The following GRM3 variants were observed in gnomAD, a reference collection of about 807,000 sequenced individuals.
GRM3 encodes the protein metabotropic glutamate receptor 3.
A neutral mutation model predicts 70.5 loss-of-function variants in GRM3; 26 were observed. That is an observed-to-expected ratio of 0.37 (90% confidence interval 0.27 to 0.51). GRM3 has a LOEUF of 0.51. GRM3 is among the 20% of genes least tolerant of loss of function. The pLI is 0.93. For missense variants in GRM3, 859 were observed against 1,123.8 expected (o/e 0.76, Z 3.37); for synonymous variants, 443 against 434.9 (o/e 1.02, Z -0.23).
intron 1 of GRM3, among the ~76,000 whole-genome samples, chr7:86,762,125 T>C (rs1350907606): frequency 6.6e-6 from 1 of 152,154 alleles, no homozygotes; most frequent in Non-Finnish European, 1.5e-5. Context: ...GTCTTTTGCC[T>C]TCCATGGCAG....
At chr7:86,704,179 A>T (rs990156097) in intron 1 of GRM3, among the ~76,000 whole-genome samples, 1 of 151,974 alleles carries the variant, frequency 6.6e-6, no homozygotes, top group South Asian at 2.1e-4. Flanking sequence ...AAAAAGTACT[A>T]GCGTTTTTCT....
At chr7:86,763,108 C>G (rs1796519855) in intron 1 of GRM3, among the ~76,000 whole-genome samples, 1 of 152,152 alleles carries the variant, frequency 6.6e-6, no homozygotes, top group South Asian at 2.1e-4. Flanking sequence ...AATGAGACAT[C>G]ATTCAAATTG....
At chr7:86,861,713 G>A (rs28755802) in intron 5 of GRM3, among the ~76,000 whole-genome samples, 18,074 of 152,198 alleles carry the variant, frequency 0.12, 1,337 homozygotes, top group African/African-American at 0.22. Flanking sequence ...AAATTGGAAT[G>A]AGGTGAACAC....
At chr7:86,718,704 G>A (rs1442054489) in intron 1 of GRM3, among the ~76,000 whole-genome samples, 1 of 152,046 alleles carries the variant, frequency 6.6e-6, no homozygotes, top group Admixed American at 6.6e-5. Context: ...GAACACCCGG[G>A]TGACAGTAGC....
chr7:86,668,681 T>C (rs910707837), intron 1 of GRM3, among the ~76,000 whole-genome samples: 3 of 151,960 alleles, frequency 2.0e-5, no homozygotes, highest in Non-Finnish European at 4.4e-5. Context: ...ATTCCGAAAA[T>C]AGAATTGTGG....
chr7:86,774,543 G>A (rs559680730), intron 2 of GRM3, among the ~76,000 whole-genome samples: 9 of 152,102 alleles, frequency 5.9e-5, no homozygotes, highest in South Asian at 4.2e-4. Flanking sequence ...CCAATAAAGC[G>A]AACTGCAATA....
chr7:86,696,123 A>G (rs1484220179), intron 1 of GRM3, among the ~76,000 whole-genome samples: 5 of 152,142 alleles, frequency 3.3e-5, no homozygotes, highest in African/African-American at 1.2e-4. Flanking sequence ...CTTTGCACCA[A>G]AGTGCTCAGT....
chr7:86,693,239 G>A (rs1415628140), intron 1 of GRM3, among the ~76,000 whole-genome samples: 2 of 152,158 alleles, frequency 1.3e-5, no homozygotes, highest in East Asian at 1.9e-4. Context: ...AGTAGTATAA[G>A]ACTTACTTTT....
At chr7:86,652,530 C>T (rs547931923) in intron 1 of GRM3, among the ~76,000 whole-genome samples, 24 of 152,168 alleles carry the variant, frequency 1.6e-4, no homozygotes, top group African/African-American at 5.8e-4. Flanking sequence ...GGGGTTTCAC[C>T]GTGTTTGCTA....
In GRM3 at chr7:86,764,998, C is replaced by A; in HGVS notation, c.-140-8C>A. On this transcript the variant is annotated splice_region_variant and splice_polypyrimidine_tract_variant and intron_variant, in intron 1 of 5. Transcript: ENST00000361669. ...CCATTTTTGTTCATATAATTTTTAT[C>A]TCTTTAGGAATTTTGTGACAGGCTC... 1 of 1,452,434 alleles carries A rather than the reference C, an allele frequency of 6.9e-7. No individual in the cohort carries two copies. The highest frequency in any genetic ancestry group is 9.0e-7 in the Non-Finnish European group (1 of 1,108,750). 90.0% of individuals were successfully genotyped at this position (1,452,434 alleles called of 1,614,324 possible). A position where few individuals can be genotyped will look rare whatever the true frequency, so the allele number is the denominator to read the frequency against.
chr7:86,854,869 T>C (rs1798818078), intron 5 of GRM3, among the ~76,000 whole-genome samples: 1 of 152,174 alleles, frequency 6.6e-6, no homozygotes, highest in African/African-American at 2.4e-5. Flanking sequence ...ACATTCTGAA[T>C]TTCCACCCTT....
At chr7:86,654,206 G>C (rs802430) in intron 1 of GRM3, among the ~76,000 whole-genome samples, 100,145 of 152,024 alleles carry the variant, frequency 0.66, 33,365 homozygotes, top group East Asian at 0.88. Context: ...GGCTCAGCCT[G>C]GGCCACCAGC....
chr7:86,750,992 T>C (rs1796216158), intron 1 of GRM3, among the ~76,000 whole-genome samples: 1 of 152,058 alleles, frequency 6.6e-6, no homozygotes, highest in Non-Finnish European at 1.5e-5. Context: ...AGGAAAATAA[T>C]AGAAGTGGAT....
chr7:86,711,168 T>A (rs1562834183), intron 1 of GRM3, among the ~76,000 whole-genome samples: 2 of 151,592 alleles, frequency 1.3e-5, no homozygotes, highest in Non-Finnish European at 2.9e-5. Context: ...TCTAATTTAA[T>A]TTAATTTAAT....
At chr7:86,730,186 C>T (rs749087444) in intron 1 of GRM3, among the ~76,000 whole-genome samples, 16 of 151,700 alleles carry the variant, frequency 1.1e-4, no homozygotes, top group Middle Eastern at 3.5e-3. Context: ...ATTAGGAGGC[C>T]GAGGCAGGCA....
chr7:86,707,789 C>A (rs561980611), intron 1 of GRM3, among the ~76,000 whole-genome samples: 4 of 152,112 alleles, frequency 2.6e-5, no homozygotes, highest in Non-Finnish European at 5.9e-5. Flanking sequence ...TTTATCATCT[C>A]TCTTAATCAA....
intron 3 of GRM3, among the ~76,000 whole-genome samples, chr7:86,801,316 A>G (rs1244728890): frequency 4.6e-5 from 7 of 151,936 alleles, no homozygotes; most frequent in South Asian, 4.2e-4. Flanking sequence ...TGATCTGCCC[A>G]CCTCAGCCTC....
At chr7:86,672,566 G>C (rs1024793669) in intron 1 of GRM3, among the ~76,000 whole-genome samples, 16 of 152,006 alleles carry the variant, frequency 1.1e-4, no homozygotes, top group African/African-American at 3.6e-4. Context: ...CTCATCTCAA[G>C]TGGTTGCCTG....
At chr7:86,795,827 C>T (rs1374280741) in intron 3 of GRM3, among the ~76,000 whole-genome samples, 1 of 152,208 alleles carries the variant, frequency 6.6e-6, no homozygotes, top group Non-Finnish European at 1.5e-5. Context: ...GCCACACTGT[C>T]TTCCACAATG....
Sources: allele counts gnomAD v4.1 joint callset (sites outside exome capture counted in the v4.1 genomes callset), GRCh38; gene constraint gnomAD v4.1.1; transcripts MANE v1.5; gene names NCBI Gene and HGNC (gene_info 2026-07-23, HGNC 2026-07-21).